RALYL: variants seen among roughly 807,000 people sequenced by gnomAD.
The protein encoded by RALYL is RALY RNA binding protein like.
Under a neutral mutation model 35.1 loss-of-function variants are expected in RALYL, and 29 were observed. That is an observed-to-expected ratio of 0.83 (90% CI 0.61 to 1.13). The LOEUF is 1.13. RALYL is among the 50% of genes most tolerant of loss of function. The probability of loss-of-function intolerance (pLI) is 0.00; values close to 1 mark genes in which losing one functional copy is unlikely to be tolerated. For synonymous variants in RALYL, 120 were observed against 127.6 expected (o/e 0.94, Z 0.40); for missense variants, 359 against 360.4 (o/e 1.00, Z 0.03).
intron 1 of RALYL, among the ~76,000 whole-genome samples, chr8:84,447,087 C>T (rs1449060336): frequency 6.6e-6 from 1 of 152,060 alleles, no homozygotes; most frequent in Non-Finnish European, 1.5e-5. Flanking sequence ...TTTTTTGTCA[C>T]AGGTCTGCTT....
At chr8:84,716,497 T>C (rs1842960738) in intron 2 of RALYL, among the ~76,000 whole-genome samples, 2 of 152,164 alleles carry the variant, frequency 1.3e-5, no homozygotes, top group African/African-American at 2.4e-5. Flanking sequence ...AAAAGATAAA[T>C]GGTCACTTGC....
At chr8:84,892,552 G>T (rs1381858708) in intron 8 of RALYL, among the ~76,000 whole-genome samples, 1 of 151,116 alleles carries the variant, frequency 6.6e-6, no homozygotes, top group African/African-American at 2.4e-5. Context: ...GGGGGTTGTT[G>T]TGAGTTGAGA....
At chr8:84,851,931 C>T (rs7357452) in intron 5 of RALYL, among the ~76,000 whole-genome samples, 5,520 of 152,218 alleles carry the variant, frequency 0.036, 327 homozygotes, top group African/African-American at 0.13. Context: ...GTCTTCCTTC[C>T]CCCACCTGAA....
intron 2 of RALYL, among the ~76,000 whole-genome samples, chr8:84,544,186 T>C (rs912429979): frequency 3.3e-5 from 5 of 152,052 alleles, no homozygotes; most frequent in African/African-American, 9.7e-5. Flanking sequence ...AGTTTTAATG[T>C]TTGATTATTA....
intron 2 of RALYL, among the ~76,000 whole-genome samples, chr8:84,706,608 A>T (rs1406796534): frequency 6.6e-6 from 1 of 152,158 alleles, no homozygotes; most frequent in East Asian, 1.9e-4. Context: ...CACTACAGGC[A>T]CCATTTCAAA....
At chr8:84,407,178 G>A (rs529609854) in intron 1 of RALYL, among the ~76,000 whole-genome samples, 9 of 152,120 alleles carry the variant, frequency 5.9e-5, no homozygotes, top group African/African-American at 1.9e-4. Context: ...TGATGATACA[G>A]CATGGGTTTA....
At chr8:84,701,868 T>G (rs1840264116) in intron 2 of RALYL, among the ~76,000 whole-genome samples, 1 of 152,180 alleles carries the variant, frequency 6.6e-6, no homozygotes, top group Non-Finnish European at 1.5e-5. Context: ...TGTCATCTCC[T>G]GTTTCCTGCA....
At chr8:84,238,217 T>C (rs925840514) in intron 1 of RALYL, among the ~76,000 whole-genome samples, 1 of 152,094 alleles carries the variant, frequency 6.6e-6, no homozygotes, top group African/African-American at 2.4e-5. Flanking sequence ...AGTACGACAT[T>C]CATTAATGAA....
intron 2 of RALYL, among the ~76,000 whole-genome samples, chr8:84,550,900 C>A (rs2060674015): frequency 6.6e-6 from 1 of 151,716 alleles, no homozygotes; most frequent in African/African-American, 2.4e-5. Context: ...ATTAAGAAAA[C>A]AACTATTTCA....
chr8:84,428,102 T>TCACACACA (rs1364681176), intron 1 of RALYL, among the ~76,000 whole-genome samples: 11 of 131,240 alleles, frequency 8.4e-5, no homozygotes, highest in African/African-American at 3.2e-4. Flanking sequence ...TCTCTCTCTC[T>TCACACACA]CTCTCACACA....
At chr8:84,311,368 T>C (rs1040257944) in intron 1 of RALYL, among the ~76,000 whole-genome samples, 1 of 152,014 alleles carries the variant, frequency 6.6e-6, no homozygotes, top group African/African-American at 2.4e-5. Context: ...TAATGATGAA[T>C]TGTCTGAAAA....
chr8:84,469,170 G>A (rs930762204), intron 1 of RALYL, among the ~76,000 whole-genome samples: 1 of 152,122 alleles, frequency 6.6e-6, no homozygotes, highest in African/African-American at 2.4e-5. Context: ...ATCCAGTTTT[G>A]TTCCATTGCT....
chr8:84,442,727 T>C (rs1335250334), intron 1 of RALYL, among the ~76,000 whole-genome samples: 2 of 152,140 alleles, frequency 1.3e-5, no homozygotes, highest in African/African-American at 2.4e-5. Context: ...CTCTGCGTAT[T>C]GTTTTTGTAT....
Position 84,425,596 on chromosome 8 carries a change from T to A in RALYL, c.-23-103703T>A, listed in dbSNP as rs1394400590. ...TCCTGGTCTTAACTTTTATGAACTC[T>A]TATACAGCCACTTGTCCAATTTTCC... On this transcript the variant is annotated intron_variant, in intron 1 of 8. Coordinates refer to ENST00000521268, the MANE Select transcript of RALYL (RefSeq NM_173848.7). 4.6e-5 allele frequency among the ~76,000 whole-genome samples: 7 copies of A among 152,304 alleles called. No homozygotes were observed. The East Asian group carries it at 1.2e-3, about 25-fold the overall frequency.
intron 1 of RALYL, among the ~76,000 whole-genome samples, chr8:84,517,086 T>A (rs2058122308): frequency 6.6e-6 from 1 of 152,168 alleles, no homozygotes; most frequent in Non-Finnish European, 1.5e-5. Context: ...CTGACATAAA[T>A]TCTCAAAAAG....
chr8:84,897,134 C>T (rs1291154934), intron 8 of RALYL, among the ~76,000 whole-genome samples: 2 of 152,030 alleles, frequency 1.3e-5, no homozygotes, highest in Non-Finnish European at 2.9e-5. Flanking sequence ...TAATAATACC[C>T]ACCTCATGGG....
At chr8:84,216,006 C>T (rs1820718473) in intron 1 of RALYL, among the ~76,000 whole-genome samples, 2 of 152,044 alleles carry the variant, frequency 1.3e-5, no homozygotes, top group African/African-American at 4.8e-5. Context: ...CCCAGAGTAA[C>T]ATTTGACAAT....
At chr8:84,218,378 A>G (rs1172935165) in intron 1 of RALYL, among the ~76,000 whole-genome samples, 1 of 151,912 alleles carries the variant, frequency 6.6e-6, no homozygotes. Context: ...GCCATTGACA[A>G]TAAGATACAC....
intron 1 of RALYL, among the ~76,000 whole-genome samples, chr8:84,254,671 T>C (rs939185860): frequency 1.4e-5 from 2 of 143,946 alleles, no homozygotes; most frequent in South Asian, 2.1e-4. Context: ...TGGTGTCAAA[T>C]GGAATGAAAA....
Sources: gnomAD v4.1 joint callset for allele counts (sites outside exome capture counted in the v4.1 genomes callset) on GRCh38, gnomAD v4.1.1 for gene constraint, MANE v1.5 for transcripts, NCBI Gene and HGNC (gene_info 2026-07-23, HGNC 2026-07-21) for gene names.